Variants in TLR3 observed in about 807,000 individuals in gnomAD.
TLR3 encodes toll like receptor 3.
TLR3 carries 43 observed loss-of-function variants against 66.4 expected under a neutral mutation model. The ratio of observed to expected loss-of-function variants is 0.65; its 90% CI spans 0.51 to 0.83. The LOEUF (loss-of-function observed/expected upper bound fraction) is 0.83, where lower values mean the gene tolerates loss of function less well. TLR3 is among the 40% of genes least tolerant of loss of function. The pLI is 0.00. For missense variants in TLR3, 982 were observed against 1,044.6 expected (o/e 0.94, Z 0.83); for synonymous variants, 397 against 397.2 (o/e 1.00, Z 0.01).
At chr4:186,071,645 G>T (rs1168510224) in intron 1 of TLR3, among the ~76,000 whole-genome samples, 3 of 151,988 alleles carry the variant, frequency 2.0e-5, no homozygotes, top group Non-Finnish European at 4.4e-5. Flanking sequence ...AGTTGTAAAG[G>T]CCATGAGATG....
chr4:186,070,285 T>A (rs2099301213), intron 1 of TLR3, among the ~76,000 whole-genome samples: 1 of 152,266 alleles, frequency 6.6e-6, no homozygotes, highest in African/African-American at 2.4e-5. Context: ...ATAAACTTAC[T>A]GAATTTTTGC....
intron 1 of TLR3, 102 bp from the exon 2 acceptor site, chr4:186,076,511 T>G: frequency 9.2e-7 from 1 of 1,085,828 alleles, no homozygotes; most frequent in Non-Finnish European, 1.4e-6. Flanking sequence ...ACATCATACA[T>G]GGTCATATTT....
intron 1 of TLR3, among the ~76,000 whole-genome samples, chr4:186,073,149 C>A (rs1301431917): frequency 2.0e-5 from 3 of 152,180 alleles, no homozygotes; most frequent in South Asian, 4.1e-4. Context: ...CAGAAATAGA[C>A]CCTCGCTTAA....
chr4:186,076,462 T>A (rs963773762), intron 1 of TLR3, among the ~76,000 whole-genome samples, 151 bp from the exon 2 acceptor site: 7 of 152,208 alleles, frequency 4.6e-5, no homozygotes, highest in African/African-American at 1.7e-4. Flanking sequence ...GTATGACTTG[T>A]ATAATATGTA....
At position 186,074,696 on chromosome 4, in the gene TLR3, G is replaced by A. The variant is rs188881071; in HGVS notation, c.-7-1917G>A. Among the ~76,000 whole-genome samples the A allele has an allele frequency of 1.1e-4, 17 of 152,052 alleles. 1 individual carries two copies. The highest frequency in any genetic ancestry group is 5.9e-4 in the Admixed American group (9 of 15,280). Reference sequence around the variant, plus strand: ...TTAATTTTTCAAAACTTTTTGACTCGTGTAATAATGCTTGGTTTAAAACAA... The same window carrying A: ...TTAATTTTTCAAAACTTTTTGACTCATGTAATAATGCTTGGTTTAAAACAA... On this transcript the variant is annotated intron_variant, in intron 1 of 4. Transcript: ENST00000296795.
intron 1 of TLR3, among the ~76,000 whole-genome samples, chr4:186,069,748 C>A (rs1313712693): frequency 6.6e-6 from 1 of 152,136 alleles, no homozygotes; most frequent in East Asian, 1.9e-4. Flanking sequence ...AAGTAAATGG[C>A]TTTCTTTCAC....
intron 2 of TLR3, 34 bp from the exon 3 acceptor site, chr4:186,078,806 A>T: frequency 1.3e-6 from 2 of 1,584,244 alleles, no homozygotes; most frequent in Non-Finnish European, 1.7e-6. Flanking sequence ...TGACAGCAAG[A>T]CTCTAACATA....
At chr4:186,076,038 C>T (rs1225754095) in intron 1 of TLR3, among the ~76,000 whole-genome samples, 1 of 152,006 alleles carries the variant, frequency 6.6e-6, no homozygotes, top group Non-Finnish European at 1.5e-5. Context: ...CCTGTAATCC[C>T]AGCTACTCGG....
At chr4:186,077,486 C>A (rs1303797239) in intron 2 of TLR3, among the ~76,000 whole-genome samples, 2 of 152,200 alleles carry the variant, frequency 1.3e-5, no homozygotes, top group Non-Finnish European at 2.9e-5. Context: ...AAATTACCTA[C>A]TCCTGGTTTC....
intron 2 of TLR3, 40 bp downstream of exon 2, chr4:186,077,100 C>T: frequency 6.3e-7 from 1 of 1,577,242 alleles, no homozygotes; most frequent in Non-Finnish European, 8.7e-7. Context: ...GTTTTTAAGT[C>T]AGTTACCCAT....
intron 1 of TLR3, among the ~76,000 whole-genome samples, chr4:186,071,774 A>G (rs2099301511): frequency 6.6e-6 from 1 of 152,198 alleles, no homozygotes; most frequent in South Asian, 2.1e-4. Context: ...ATATACTCAC[A>G]TTAGTTCTGT....
chr4:186,080,916 T>C (rs1417909037), intron 3 of TLR3, among the ~76,000 whole-genome samples: 3 of 152,166 alleles, frequency 2.0e-5, no homozygotes, highest in Non-Finnish European at 4.4e-5. Context: ...ATTTGTAATG[T>C]GTCACTTGGG....
At chr4:186,069,271 C>T (rs1229999866) in intron 1 of TLR3, 23 bp downstream of exon 1, 1 of 152,092 alleles carries the variant, frequency 6.6e-6, no homozygotes, top group African/African-American at 2.4e-5. Context: ...GTTCATTTCA[C>T]GTTCTTACTG....
Position 186,083,066 on chromosome 4 carries a change from AATCT to A in TLR3, c.1385_1388del (p.Tyr462PhefsTer9). 1 of 1,614,140 alleles carries A rather than the reference AATCT, an allele frequency of 6.2e-7. No individual in the cohort carries two copies. Among genetic ancestry groups the A allele is most frequent in the African/African-American group, 1.3e-5 (1 of 75,036 alleles). ...GGAGAGGTCTAGAAAATATTTTCGAAATCTATCTTTCCTACAACAAGTACCTGCA... is the reference window on the plus strand; with the variant it reads ...GGAGAGGTCTAGAAAATATTTTCGAAATCTTTCCTACAACAAGTACCTGCA... On this transcript the variant is annotated frameshift_variant, in exon 4 of 5. Coordinates refer to ENST00000296795, the MANE Select transcript of TLR3 (RefSeq NM_003265.3). LOFTEE classifies it high-confidence loss of function. This position sits in a 1 kb window ranked among gnomAD's most constrained non-coding sequence, Gnocchi z 4.0.
intron 3 of TLR3, among the ~76,000 whole-genome samples, chr4:186,079,550 G>A (rs536203227): frequency 6.6e-6 from 1 of 152,308 alleles, no homozygotes; most frequent in African/African-American, 2.4e-5. Flanking sequence ...ATTTAGGACC[G>A]TGTCTGGCGT....
rs899399936 is a variant in TLR3, at chr4:186,086,858, G to T, written c.*1985G>T. ...CAAGGAATTGGACAAAATGCACAAA[G>T]AATGAGGCGACAAAAGCAGAGGTTT... On this transcript the variant is annotated 3_prime_UTR_variant, in exon 5 of 5. Transcript: ENST00000296795. The T allele has an allele frequency of 6.6e-6, 1 of 152,164 alleles. No homozygotes were observed. Among genetic ancestry groups the T allele is most frequent in the Non-Finnish European group, 1.5e-5 (1 of 68,034 alleles). The allele number at this position is 152,164 out of a possible 1,614,324, so 9.4% of individuals were successfully genotyped here.
At chr4:186,082,091 GGC>G in intron 3 of TLR3, 1 of 539,682 alleles carries the variant, frequency 1.9e-6, no homozygotes, top group South Asian at 2.2e-5. Flanking sequence ...TGGACGTGGT[GGC>G]GCATGCCTGT....
At chr4:186,069,616 A>C (rs571735232) in intron 1 of TLR3, among the ~76,000 whole-genome samples, 1 of 152,262 alleles carries the variant, frequency 6.6e-6, no homozygotes, top group Non-Finnish European at 1.5e-5. Flanking sequence ...AAGAAACAAA[A>C]CTCCAAGAGG....
intron 2 of TLR3, among the ~76,000 whole-genome samples, chr4:186,078,576 T>G (rs2099302857): frequency 6.6e-6 from 1 of 152,214 alleles, no homozygotes; most frequent in Non-Finnish European, 1.5e-5. Flanking sequence ...GTCTTTTTTA[T>G]TTTGGTAAGA....
Sources: gnomAD v4.1 joint callset for allele counts (sites outside exome capture counted in the v4.1 genomes callset) on GRCh38, gnomAD v4.1.1 for gene constraint, Gnocchi (gnomAD v3.1) non-coding constraint, MANE v1.5 for transcripts, NCBI Gene and HGNC (gene_info 2026-07-23, HGNC 2026-07-21) for gene names.